The following PDZD2 variants were observed in gnomAD, a reference collection of about 807,000 sequenced individuals.
The protein encoded by PDZD2 is PDZ domain-containing protein 2.
A neutral mutation model predicts 220.7 loss-of-function variants in PDZD2; 90 were observed. The ratio of observed to expected loss-of-function variants is 0.41; its 90% confidence interval spans 0.34 to 0.49. PDZD2 has a LOEUF of 0.49. PDZD2 is among the 20% of genes least tolerant of loss of function. The probability of loss-of-function intolerance (pLI) is 0.28; values close to 1 mark genes in which losing one functional copy is unlikely to be tolerated. For synonymous variants in PDZD2, 1,375 were observed against 1,450.5 expected (o/e 0.95, Z 1.18); for missense variants, 3,174 against 3,608.5 (o/e 0.88, Z 3.08).
rs397978491 is a variant in PDZD2, at chr5:31,885,158, C to CAA, written c.476+85448_476+85449dup. Among the ~76,000 whole-genome samples the CAA allele has an allele frequency of 5.3e-3, 555 of 105,160 alleles. 4 individuals carry two copies. Among genetic ancestry groups the CAA allele is most frequent in the African/African-American group, 0.014 (394 of 27,362 alleles). 69.0% of individuals were successfully genotyped at this position (105,160 alleles called of 152,430 possible). A position where few individuals can be genotyped will look rare whatever the true frequency, so the allele number is the denominator to read the frequency against. Reference sequence around the variant, plus strand: ...CTCCCAGAAGAAAAAGTGCAAACGGCAAAAAAAAAAAAAAAGAAAAAGAAA... The same window carrying CAA: ...CTCCCAGAAGAAAAAGTGCAAACGGCAAAAAAAAAAAAAAAAAGAAAAAGAAA... On this transcript the variant is annotated intron_variant, in intron 2 of 24. Coordinates refer to ENST00000438447, the MANE Select transcript of PDZD2 (RefSeq NM_178140.4).
At chr5:31,930,237 G>A (rs1212040143) in intron 2 of PDZD2, among the ~76,000 whole-genome samples, 2 of 119,636 alleles carry the variant, frequency 1.7e-5, no homozygotes, top group Non-Finnish European at 3.2e-5. Context: ...AGACAGTCTC[G>A]CTCTGTCGCC....
At chr5:31,923,601 C>T in intron 2 of PDZD2, 3 of 750,498 alleles carry the variant, frequency 4.0e-6, no homozygotes, top group Admixed American at 3.5e-5. Context: ...TGCTCTGGCT[C>T]GGATAAGAGA....
intron 1 of PDZD2, chr5:31,725,909 G>A (rs1004386072): frequency 1.9e-5 from 13 of 697,226 alleles, no homozygotes; most frequent in South Asian, 1.6e-4. Context: ...CTTCTCACAG[G>A]GCCGTTCCTC....
At chr5:31,733,707 G>A (rs147695281) in intron 1 of PDZD2, among the ~76,000 whole-genome samples, 454 of 152,288 alleles carry the variant, frequency 3.0e-3, no homozygotes, top group African/African-American at 0.01. Flanking sequence ...CAGAAAAGTC[G>A]CGATTCCTGG....
intron 5 of PDZD2, among the ~76,000 whole-genome samples, chr5:32,001,423 C>G (rs939238169): frequency 6.6e-6 from 1 of 151,794 alleles, no homozygotes; most frequent in African/African-American, 2.4e-5. Context: ...GTTTGCCCAG[C>G]CAATTTACAA....
intron 5 of PDZD2, among the ~76,000 whole-genome samples, chr5:32,002,897 A>ACACACACCCCC (rs1752345006): frequency 1.1e-5 from 1 of 94,620 alleles, no homozygotes; most frequent in Non-Finnish European, 2.1e-5. Flanking sequence ...ACACACCAAC[A>ACACACACCCCC]CACACCCCCA....
chr5:32,053,171 C>T (rs1738751417), intron 9 of PDZD2, among the ~76,000 whole-genome samples: 1 of 152,206 alleles, frequency 6.6e-6, no homozygotes. Context: ...CACTTGGCTG[C>T]TAGGGCCAGA....
At chr5:32,100,829 C>T in intron 23 of PDZD2, 1 of 1,389,272 alleles carries the variant, frequency 7.2e-7, no homozygotes, top group South Asian at 1.2e-5. Flanking sequence ...GGGATTTCTG[C>T]TTGGGCATAA....
At position 32,091,101 on chromosome 5, in the gene PDZD2, T is replaced by C; in HGVS notation, c.7653T>C (p.Ala2551=). ...GAAGTGGCCCTAAAACCAGTGCTGCTGAGACACCCAGTTCAGCCAGTGATA... is the reference window on the plus strand; with the variant it reads ...GAAGTGGCCCTAAAACCAGTGCTGCCGAGACACCCAGTTCAGCCAGTGATA... ...PGGSGPKTSA[A]ETPSSASDTG... is the part of the protein sequence containing the mutation. Residue 2551 remains alanine (A), a synonymous_variant, in exon 20 of 25, where the codon GCT becomes GCC. Transcript: ENST00000438447. 1 of 1,604,134 alleles carries C rather than the reference T, an allele frequency of 6.2e-7. No individual in the cohort carries two copies. Among genetic ancestry groups the C allele is most frequent in the East Asian group, 2.2e-5 (1 of 44,580 alleles).
intron 2 of PDZD2, chr5:31,848,139 G>A (rs1456313862): frequency 1.4e-5 from 4 of 289,608 alleles, no homozygotes; most frequent in Admixed American, 7.3e-5. Context: ...GCTCAGGAGC[G>A]GGCTACTAAG....
At chr5:31,919,297 C>A (rs1336380767) in intron 2 of PDZD2, among the ~76,000 whole-genome samples, 3 of 151,738 alleles carry the variant, frequency 2.0e-5, no homozygotes, top group Non-Finnish European at 4.4e-5. Flanking sequence ...ATTCATATGG[C>A]TAGTGAGCAG....
chr5:32,062,092 TCACA>T (rs1156702600), intron 14 of PDZD2, among the ~76,000 whole-genome samples: 1 of 152,244 alleles, frequency 6.6e-6, no homozygotes, highest in Non-Finnish European at 1.5e-5. Flanking sequence ...ATAAATGTCT[TCACA>T]TTTGTGGAGG....
chr5:31,700,938 G>T (rs757691860), intron 1 of PDZD2, among the ~76,000 whole-genome samples: 9 of 152,284 alleles, frequency 5.9e-5, no homozygotes, highest in Non-Finnish European at 1.2e-4. Flanking sequence ...CCATCTCCTG[G>T]GGGGCTGTCT....
At chr5:31,878,383 C>T (rs1739511173) in intron 2 of PDZD2, among the ~76,000 whole-genome samples, 1 of 152,016 alleles carries the variant, frequency 6.6e-6, no homozygotes, top group African/African-American at 2.4e-5. Context: ...TTTAAAAGCA[C>T]TATTCTCTTT....
intron 2 of PDZD2, among the ~76,000 whole-genome samples, chr5:31,915,070 G>A (rs1743562420): frequency 6.6e-6 from 1 of 152,150 alleles, no homozygotes; most frequent in Non-Finnish European, 1.5e-5. Flanking sequence ...GAAGCTGTAG[G>A]GGGTCTTCAT....
chr5:31,685,189 T>C (rs1746803733), intron 1 of PDZD2, among the ~76,000 whole-genome samples: 1 of 152,202 alleles, frequency 6.6e-6, no homozygotes, highest in Admixed American at 6.5e-5. Flanking sequence ...TTCCTAATTT[T>C]GCTGGCTATT....
At chr5:31,697,249 G>C (rs2150131580) in intron 1 of PDZD2, among the ~76,000 whole-genome samples, 1 of 152,324 alleles carries the variant, frequency 6.6e-6, no homozygotes, top group African/African-American at 2.4e-5. Context: ...GATCACCAGA[G>C]GTCAGGAGTT....
intron 1 of PDZD2, among the ~76,000 whole-genome samples, chr5:31,696,924 G>C (rs569588003): frequency 6.6e-6 from 1 of 152,244 alleles, no homozygotes; most frequent in South Asian, 2.1e-4. Context: ...TCATCTGAAG[G>C]TTCCAGGGTC....
intron 2 of PDZD2, among the ~76,000 whole-genome samples, chr5:31,979,933 G>C (rs965700878): frequency 3.3e-5 from 5 of 152,106 alleles, no homozygotes; most frequent in Non-Finnish European, 7.3e-5. Context: ...ACCGTTCTTA[G>C]GTAAATAGTG....
Sources: gnomAD v4.1 joint callset for allele counts (sites outside exome capture counted in the v4.1 genomes callset) on GRCh38, gnomAD v4.1.1 for gene constraint, MANE v1.5 for transcripts, NCBI Gene and HGNC (gene_info 2026-07-23, HGNC 2026-07-21) for gene names.